Variants in CLPTM1 observed in about 807,000 individuals in gnomAD.
CLPTM1 encodes the protein putative lipid scramblase CLPTM1.
CLPTM1 carries 21 observed loss-of-function variants against 77.3 expected under a neutral mutation model. That is an observed-to-expected ratio of 0.27 (90% CI 0.19 to 0.39). CLPTM1 has a LOEUF of 0.39. CLPTM1 is among the 10% of genes least tolerant of loss of function. CLPTM1 has a pLI of 1.00. For synonymous variants in CLPTM1, 373 were observed against 381.0 expected (o/e 0.98, Z 0.24); for missense variants, 642 against 921.2 (o/e 0.70, Z 3.92).
intron 7 of CLPTM1, 136 bp from the exon 8 acceptor site, chr19:44,987,043 T>C (rs1970989532): frequency 8.5e-7 from 1 of 1,179,182 alleles, no homozygotes; most frequent in Non-Finnish European, 1.2e-6. Context: ...TAGCTCCTCA[T>C]GGTGTGGCCT....
Position 44,962,034 on chromosome 19 carries a change from G to A in CLPTM1, c.144G>A (p.Pro48=), listed in dbSNP as rs748063160. The part of the protein sequence containing the change: ...ETQPQNPPAQ[P]APNAWQVIKG... ...AGCCTCAGAACCCACCGGCCCAGCCGGCACCCAATGCCTGGCAGGTCATCA... is the reference window on the plus strand; with the variant it reads ...AGCCTCAGAACCCACCGGCCCAGCCAGCACCCAATGCCTGGCAGGTCATCA... The change falls in exon 2 of 14, where the codon CCG becomes CCA. Residue 48 remains proline, a synonymous_variant. Transcript: ENST00000337392. 17 of 1,611,832 alleles carry A rather than the reference G, an allele frequency of 1.1e-5. No homozygotes were observed. Among genetic ancestry groups the A allele is most frequent in the African/African-American group, 2.7e-5 (2 of 74,924 alleles).
At chr19:44,955,605 C>A (rs962946167) in intron 1 of CLPTM1, 138 bp downstream of exon 1, 7 of 849,636 alleles carry the variant, frequency 8.2e-6, no homozygotes, top group African/African-American at 1.8e-5. Context: ...CCGGCCCAGG[C>A]AGGGCCGGAC....
At chr19:44,971,822 G>C (rs1269827598) in intron 2 of CLPTM1, among the ~76,000 whole-genome samples, 1 of 150,340 alleles carries the variant, frequency 6.7e-6, no homozygotes, top group African/African-American at 2.5e-5. Flanking sequence ...GCTTCCCAAA[G>C]TGCTGGGATT....
At chr19:44,981,185 C>T (rs893287931) in intron 5 of CLPTM1, among the ~76,000 whole-genome samples, 2 of 151,618 alleles carry the variant, frequency 1.3e-5, no homozygotes, top group African/African-American at 2.4e-5. Flanking sequence ...ACTCTTGTTG[C>T]CCAGGCTGGA....
At chr19:44,977,785 T>G (rs1208085335) in intron 5 of CLPTM1, among the ~76,000 whole-genome samples, 1 of 152,014 alleles carries the variant, frequency 6.6e-6, no homozygotes, top group African/African-American at 2.4e-5. Context: ...AGGGTTGACT[T>G]TTGCACAGTA....
At chr19:44,975,272 G>A (rs1475389559) in intron 4 of CLPTM1, among the ~76,000 whole-genome samples, 1 of 152,232 alleles carries the variant, frequency 6.6e-6, no homozygotes, top group Non-Finnish European at 1.5e-5. Context: ...GGCCTCATTG[G>A]GACTCCTGTA....
At chr19:44,979,276 G>T (rs1027997785) in intron 5 of CLPTM1, among the ~76,000 whole-genome samples, 1 of 152,132 alleles carries the variant, frequency 6.6e-6, no homozygotes, top group Non-Finnish European at 1.5e-5. Flanking sequence ...GCCACACCCA[G>T]CCTTGCTTGG....
intron 2 of CLPTM1, among the ~76,000 whole-genome samples, chr19:44,965,301 C>T (rs1970609516): frequency 6.6e-6 from 1 of 151,326 alleles, no homozygotes; most frequent in Non-Finnish European, 1.5e-5. Context: ...AGATCGAGAC[C>T]ATCCTGGCCA....
At chr19:44,963,347 A>G (rs1257536268) in intron 2 of CLPTM1, among the ~76,000 whole-genome samples, 4 of 141,066 alleles carry the variant, frequency 2.8e-5, no homozygotes, top group African/African-American at 1.1e-4. Flanking sequence ...TTTTTTTGAG[A>G]CGGAGTCTCG....
At chr19:44,963,614 C>G (rs1033407171) in intron 2 of CLPTM1, among the ~76,000 whole-genome samples, 1 of 142,714 alleles carries the variant, frequency 7.0e-6, no homozygotes, top group African/African-American at 2.6e-5. Context: ...TGTGAGCCAC[C>G]GCACCCAGCC....
chr19:44,958,384 CTCTT>C (rs1333528017), intron 1 of CLPTM1, among the ~76,000 whole-genome samples: 5 of 151,832 alleles, frequency 3.3e-5, no homozygotes, highest in African/African-American at 1.2e-4. Flanking sequence ...AAAAGAGTGA[CTCTT>C]TTTTTTTTTT....
rs567347939 is a variant in CLPTM1, at chr19:44,985,361, T to G, written c.672+58T>G. 5 of 1,212,152 alleles carry G rather than the reference T, an allele frequency of 4.1e-6. No individual in the cohort carries two copies. In the South Asian group the frequency reaches 6.2e-5, roughly 15 times the overall value. The allele number at this position is 1,212,152 out of a possible 1,614,324, so 75.1% of individuals were successfully genotyped here. On this transcript the variant is annotated intron_variant, in intron 6 of 13. Transcript: ENST00000337392. ...ACCAAGCCAGGCCATTCACAGCTCATCCCAGACCACTGGGGCTGTCATCTG... is the reference window on the plus strand; with the variant it reads ...ACCAAGCCAGGCCATTCACAGCTCAGCCCAGACCACTGGGGCTGTCATCTG...
At chr19:44,963,830 C>T (rs1294546522) in intron 2 of CLPTM1, among the ~76,000 whole-genome samples, 2 of 151,840 alleles carry the variant, frequency 1.3e-5, no homozygotes, top group African/African-American at 4.8e-5. Flanking sequence ...GTTGGTCAGG[C>T]TGGTCTCGAA....
Position 44,973,083 on chromosome 19 carries a change from T to C in CLPTM1, c.186-4T>C. 1 of 1,613,572 alleles carries C rather than the reference T, an allele frequency of 6.2e-7. No individual in the cohort carries two copies. Among genetic ancestry groups the C allele is most frequent in the Non-Finnish European group, 8.5e-7 (1 of 1,179,636 alleles). On this transcript the variant is annotated splice_polypyrimidine_tract_variant and splice_region_variant and intron_variant, in intron 2 of 13. Coordinates refer to ENST00000337392, the MANE Select transcript of CLPTM1 (RefSeq NM_001294.4). ...ACTCACCACCTTGCTGCTTCTCTCC[T>C]CAGGATCTTCATCATCTGGGCCATC... is the stretch of plus-strand genomic sequence containing the variant.
At chr19:44,981,630 G>A (rs886889698) in intron 5 of CLPTM1, among the ~76,000 whole-genome samples, 3 of 151,644 alleles carry the variant, frequency 2.0e-5, no homozygotes, top group Non-Finnish European at 4.4e-5. Flanking sequence ...AAAAGGTAAG[G>A]CCAGGGCCGT....
chr19:44,963,157 T>C (rs1259012620), intron 2 of CLPTM1, among the ~76,000 whole-genome samples: 2 of 125,266 alleles, frequency 1.6e-5, no homozygotes, highest in African/African-American at 3.2e-5. Flanking sequence ...TGCGGTGAGC[T>C]GAGATCGTGC....
chr19:44,956,877 C>T (rs1295307003), intron 1 of CLPTM1, among the ~76,000 whole-genome samples: 8 of 152,178 alleles, frequency 5.3e-5, no homozygotes, highest in South Asian at 4.1e-4. Context: ...CTTGCACGAT[C>T]CGACACTTTT....
chr19:44,972,549 T>G (rs915384268), intron 2 of CLPTM1, among the ~76,000 whole-genome samples: 1 of 152,214 alleles, frequency 6.6e-6, no homozygotes, highest in Non-Finnish European at 1.5e-5. Flanking sequence ...GCGCCCGTCC[T>G]CGTTCATTCT....
chr19:44,960,307 CA>C (rs1008789324), intron 1 of CLPTM1, among the ~76,000 whole-genome samples: 48 of 152,174 alleles, frequency 3.2e-4, no homozygotes, highest in Non-Finnish European at 7.1e-4. Context: ...GCTTGTTTTC[CA>C]TGTACCATTT....
Sources: allele counts gnomAD v4.1 joint callset (sites outside exome capture counted in the v4.1 genomes callset), GRCh38; gene constraint gnomAD v4.1.1; transcripts MANE v1.5; gene names NCBI Gene and HGNC (gene_info 2026-07-23, HGNC 2026-07-21).